The following SCAPER variants were observed in gnomAD, a reference collection of about 807,000 sequenced individuals.
SCAPER encodes S-phase cyclin A associated protein in the ER.
A neutral mutation model predicts 182.2 loss-of-function variants in SCAPER; 98 were observed. The observed-to-expected ratio is 0.54, with a 90% CI of 0.46 to 0.64. The LOEUF (loss-of-function observed/expected upper bound fraction) is 0.64. Ranked by LOEUF, SCAPER falls within the 30% of genes least tolerant of loss-of-function variation. The pLI, the probability that SCAPER is intolerant of heterozygous loss-of-function variation, is 0.00. For missense variants in SCAPER, 1,432 were observed against 1,690.0 expected, an observed-to-expected ratio of 0.85 and a Z score of 2.68; for synonymous variants, 605 against 564.6, an observed-to-expected ratio of 1.07 and a Z score of -1.01.
Position 76,761,935 on chromosome 15 carries a change from A to G in SCAPER, c.1725+3026T>C, listed in dbSNP as rs141605461. On this transcript the variant is annotated intron_variant, in intron 14 of 31. Transcript: ENST00000563290. ...TGCCAATTTCTCCCTTCAGATTTGT[A>G]TTTGTTTTATATATTTATGTGTTAG... is the stretch of plus-strand genomic sequence containing the variant. Among the ~76,000 whole-genome samples the G allele has an allele frequency of 3.2e-4, 48 of 152,104 alleles. 1 individual carries two copies. The East Asian group carries it at 8.7e-3, about 28-fold the overall frequency.
At chr15:76,430,500 T>C (rs745619034) in intron 26 of SCAPER, among the ~76,000 whole-genome samples, 3 of 152,228 alleles carry the variant, frequency 2.0e-5, no homozygotes, top group Non-Finnish European at 4.4e-5. Context: ...TGCAACAGTG[T>C]GACCTGGATG....
At position 76,381,596 on chromosome 15, in the gene SCAPER, T is replaced by C; in HGVS notation, c.3487A>G (p.Asn1163Asp). ...AGCCCTGTGGGATCCTGGCGATTAT[T>C]GTCAAATATGCTGTATGACCTGACA... Reference protein sequence around the residue: ...VTGRSYSIFDNNRQDPTGLTA... With the variant: ...VTGRSYSIFDDNRQDPTGLTA... The change falls in exon 28 of 32, where the codon AAT (asparagine) becomes GAT (aspartate). Residue 1163 changes from asparagine (N) to aspartate (D), a missense_variant. Physicochemically the swap from Asn to Asp is conservative, Grantham distance 23. This residue lies in a region of SCAPER where 718 missense variants were observed against 799.7 expected (regional missense o/e 0.90). Coordinates refer to ENST00000563290, the MANE Select transcript of SCAPER (RefSeq NM_020843.4). The C allele has an allele frequency of 6.3e-7, 1 of 1,596,464 alleles. No homozygotes were observed. The highest frequency in any genetic ancestry group is 8.5e-7 in the Non-Finnish European group (1 of 1,170,980).
intron 25 of SCAPER, among the ~76,000 whole-genome samples, chr15:76,437,040 T>A (rs1422428899): frequency 6.6e-6 from 1 of 152,214 alleles, no homozygotes; most frequent in Non-Finnish European, 1.5e-5. Context: ...ACTAAATCAC[T>A]TTGTTTTTGT....
intron 20 of SCAPER, among the ~76,000 whole-genome samples, chr15:76,688,199 G>A (rs187614225): frequency 7.3e-6 from 1 of 137,204 alleles, no homozygotes; most frequent in African/African-American, 2.6e-5. Flanking sequence ...GTGATGATGA[G>A]CTTTTCATCA....
intron 31 of SCAPER, chr15:76,350,766 A>AAAC (rs1406517933): frequency 6.6e-6 from 1 of 152,476 alleles, no homozygotes; most frequent in Non-Finnish European, 1.5e-5. Context: ...TCTCCATGTA[A>AAAC]AACAATTATT....
intron 23 of SCAPER, among the ~76,000 whole-genome samples, chr15:76,518,818 T>A (rs1320521739): frequency 1.3e-5 from 2 of 152,218 alleles, no homozygotes; most frequent in African/African-American, 2.4e-5. Context: ...CTGTTCTCCA[T>A]CATAATGTCA....
chr15:76,600,383 GTA>G (rs1184338310), intron 22 of SCAPER, among the ~76,000 whole-genome samples: 7 of 40,478 alleles, frequency 1.7e-4, no homozygotes, highest in African/African-American at 3.4e-4. Context: ...GAAAGTGTGT[GTA>G]TATGTGTGTG....
At chr15:76,725,045 G>A (rs550604524) in intron 17 of SCAPER, among the ~76,000 whole-genome samples, 17 of 152,138 alleles carry the variant, frequency 1.1e-4, no homozygotes, top group Non-Finnish European at 1.6e-4. Context: ...GTAGACTGGA[G>A]CTGTTCCTAT....
chr15:76,770,947 C>A (rs1457462070), intron 10 of SCAPER, among the ~76,000 whole-genome samples: 2 of 151,988 alleles, frequency 1.3e-5, no homozygotes, highest in African/African-American at 4.8e-5. Flanking sequence ...CAACCAATAT[C>A]AAGTTTCATC....
Position 76,432,728 on chromosome 15 carries a change from G to A in SCAPER, c.3311+1350C>T, listed in dbSNP as rs1271048457. Among the ~76,000 whole-genome samples, 3 of 152,318 alleles carry A rather than the reference G, an allele frequency of 2.0e-5. No homozygotes were observed. The East Asian group carries it at 5.8e-4, about 29-fold the overall frequency. ...AGAAGGTGACCTTAGAAGGAAACAG[G>A]GCTGACCTTGAACAGGTGTCAGAAA... On this transcript the variant is annotated intron_variant, in intron 26 of 31. Coordinates refer to ENST00000563290, the MANE Select transcript of SCAPER (RefSeq NM_020843.4).
chr15:76,511,266 T>G (rs1232984402), intron 23 of SCAPER, among the ~76,000 whole-genome samples: 2 of 151,964 alleles, frequency 1.3e-5, no homozygotes, highest in Admixed American at 1.3e-4. Context: ...ATAAATAAAA[T>G]AAAAGAAATA....
chr15:76,665,416 CAG>C (rs2056497910), intron 21 of SCAPER, among the ~76,000 whole-genome samples: 2 of 152,274 alleles, frequency 1.3e-5, no homozygotes, highest in Admixed American at 1.3e-4. Context: ...ACAAGTTTGG[CAG>C]AGCTTTGGCA....
chr15:76,422,826 G>T (rs545308315), intron 26 of SCAPER, among the ~76,000 whole-genome samples: 178 of 151,838 alleles, frequency 1.2e-3, no homozygotes, highest in African/African-American at 3.9e-3. Context: ...GTTTTTAGCA[G>T]GAAGGGTTGT....
rs111697913 is a variant in SCAPER at position 76,701,898 on chromosome 15, T to C, written c.2401-33A>G. Reference sequence around the variant, plus strand: ...CACAAAATCAAAGCAATGTAATCAATATAACATTATATGAATTTTAAACAC... The same window carrying C: ...CACAAAATCAAAGCAATGTAATCAACATAACATTATATGAATTTTAAACAC... On this transcript the variant is annotated intron_variant, in intron 19 of 31. Coordinates refer to ENST00000563290, the MANE Select transcript of SCAPER (RefSeq NM_020843.4). The C allele has an allele frequency of 3.0e-4, 441 of 1,462,064 alleles. 2 individuals carry two copies. The African/African-American group carries it at 4.9e-3, about 16-fold the overall frequency. 90.6% of individuals were successfully genotyped at this position (1,462,064 alleles called of 1,614,324 possible). A position where few individuals can be genotyped will look rare whatever the true frequency, so the allele number is the denominator to read the frequency against.
chr15:76,840,663 C>T (rs1599028377), intron 5 of SCAPER, among the ~76,000 whole-genome samples: 1 of 152,134 alleles, frequency 6.6e-6, no homozygotes, highest in East Asian at 1.9e-4. Flanking sequence ...ATAATGAATT[C>T]CAGGGTTTTC....
At chr15:76,350,177 C>G (rs568723485) in intron 31 of SCAPER, 3 of 152,288 alleles carry the variant, frequency 2.0e-5, no homozygotes, top group South Asian at 4.1e-4. Context: ...CAGACTAATT[C>G]TTGCTCAGAC....
chr15:76,890,120 G>A (rs931636436), intron 1 of SCAPER, among the ~76,000 whole-genome samples: 3 of 152,180 alleles, frequency 2.0e-5, no homozygotes, highest in African/African-American at 7.2e-5. Flanking sequence ...TGAAATCAAT[G>A]AGAACAAAGA....
intron 2 of SCAPER, among the ~76,000 whole-genome samples, chr15:76,874,376 T>C (rs987015098): frequency 6.6e-6 from 1 of 152,018 alleles, no homozygotes; most frequent in Non-Finnish European, 1.5e-5. Flanking sequence ...TATCTAAGTC[T>C]CTATTTCAAG....
chr15:76,804,358 C>A (rs1042667944), intron 6 of SCAPER, among the ~76,000 whole-genome samples, 175 bp downstream of exon 6: 3 of 152,148 alleles, frequency 2.0e-5, no homozygotes, highest in Non-Finnish European at 4.4e-5. Flanking sequence ...CCAATTAATA[C>A]CCACTGATAA....
Sources: gnomAD v4.1 joint callset for allele counts (sites outside exome capture counted in the v4.1 genomes callset) on GRCh38, gnomAD v4.1.1 for gene constraint, gnomAD v4.1.1 regional missense constraint, MANE v1.5 for transcripts, NCBI Gene and HGNC (gene_info 2026-07-23, HGNC 2026-07-21) for gene names.